ATP11A: variants seen among roughly 807,000 people sequenced by gnomAD.
The protein encoded by ATP11A is phospholipid-transporting ATPase IH.
In ATP11A, 81 loss-of-function variants were observed where a neutral mutation model predicts 154.4. The observed-to-expected ratio is 0.52, with a 90% CI of 0.44 to 0.63. ATP11A has a LOEUF of 0.63. ATP11A is among the 30% of genes least tolerant of loss of function. The probability of loss-of-function intolerance (pLI) is 0.00; values close to 1 mark genes in which losing one functional copy is unlikely to be tolerated. For synonymous variants in ATP11A, 623 were observed against 585.9 expected (o/e 1.06, Z -0.91); for missense variants, 1,316 against 1,474.3 (o/e 0.89, Z 1.76).
chr13:112,804,609 G>C (rs2078272414), intron 2 of ATP11A, among the ~76,000 whole-genome samples: 1 of 150,252 alleles, frequency 6.7e-6, no homozygotes, highest in South Asian at 2.1e-4. Context: ...CTCACTCAGA[G>C]GAGAGATCAT....
intron 1 of ATP11A, among the ~76,000 whole-genome samples, chr13:112,713,974 G>C (rs1229875858): frequency 2.1e-5 from 1 of 48,590 alleles, no homozygotes. Flanking sequence ...TTCCCACCCA[G>C]CTTCCATTCC....
At chr13:112,823,737 T>C (rs1447443414) in intron 9 of ATP11A, among the ~76,000 whole-genome samples, 1 of 152,372 alleles carries the variant, frequency 6.6e-6, no homozygotes, top group Non-Finnish European at 1.5e-5. Flanking sequence ...CTCCCATTTC[T>C]TGTGGGTTAT....
chr13:112,785,157 T>G lies in ATP11A; in HGVS notation c.62T>G (p.Val21Gly), dbSNP rs2077593134. ...HRYCAGEENW[V>G]DSRTIYVGHR... ...CAGTGTGCAGGAGAAGAGAATTGGG[T>G]GGACAGCAGGACCATCTACGTGGGA... The change falls in exon 2 of 30, where the codon GTG becomes GGG. Residue 21 changes from valine to glycine, a missense_variant. By Grantham distance (109) the Val-to-Gly change is moderately radical. Coordinates refer to ENST00000375645, the MANE Select transcript of ATP11A (RefSeq NM_015205.3). This position sits in a 1 kb window ranked among gnomAD's most constrained non-coding sequence, Gnocchi z 4.8. The G allele has an allele frequency of 6.4e-7, 1 of 1,562,058 alleles. No homozygotes were observed. Among genetic ancestry groups the G allele is most frequent in the South Asian group, 1.2e-5 (1 of 84,042 alleles).
chr13:112,871,829 C>T, intron 26 of ATP11A, 29 bp downstream of exon 26: 4 of 1,604,478 alleles, frequency 2.5e-6, no homozygotes, highest in Non-Finnish European at 3.4e-6. Context: ...ACGTTCCTCC[C>T]CCAGCCACAG....
At chr13:112,872,528 T>G (rs2080556538) in intron 26 of ATP11A, among the ~76,000 whole-genome samples, 1 of 152,236 alleles carries the variant, frequency 6.6e-6, no homozygotes, top group Admixed American at 6.5e-5. Flanking sequence ...CGAGAATCGC[T>G]TGAACCCGGG....
intron 1 of ATP11A, among the ~76,000 whole-genome samples, chr13:112,749,763 C>T (rs1240023932): frequency 6.7e-6 from 1 of 149,280 alleles, no homozygotes; most frequent in Non-Finnish European, 1.5e-5. Context: ...AATCTCCATC[C>T]TCCCACGTGG....
intron 25 of ATP11A, among the ~76,000 whole-genome samples, chr13:112,870,961 C>T (rs1258805471): frequency 1.3e-5 from 2 of 152,214 alleles, no homozygotes; most frequent in South Asian, 2.1e-4. Context: ...GCTGGCAGCT[C>T]GTGGGTCCCA....
intron 2 of ATP11A, among the ~76,000 whole-genome samples, chr13:112,791,911 C>G (rs1164197339): frequency 1.3e-5 from 2 of 152,190 alleles, no homozygotes; most frequent in Non-Finnish European, 1.5e-5. Context: ...AGCCCTCACT[C>G]AGGAACGCAC....
chr13:112,849,914 A>C (rs1233561486), intron 17 of ATP11A, among the ~76,000 whole-genome samples: 1 of 152,154 alleles, frequency 6.6e-6, no homozygotes, highest in African/African-American at 2.4e-5. Context: ...CTTATTCTTG[A>C]CCAGGAGACA....
chr13:112,717,705 G>A (rs1371757961), intron 1 of ATP11A: 1 of 152,228 alleles, frequency 6.6e-6, no homozygotes, highest in Non-Finnish European at 1.5e-5. Flanking sequence ...ATTAAGTTAT[G>A]GTCGTAGGTG....
At chr13:112,720,697 A>G (rs1889056056) in intron 1 of ATP11A, among the ~76,000 whole-genome samples, 1 of 152,118 alleles carries the variant, frequency 6.6e-6, no homozygotes, top group African/African-American at 2.4e-5. Context: ...AGCTGGGACT[A>G]CAGGTGTGCA....
At chr13:112,824,157 C>T (rs2078871752) in intron 9 of ATP11A, among the ~76,000 whole-genome samples, 187 bp from the exon 10 acceptor site, 1 of 151,624 alleles carries the variant, frequency 6.6e-6, no homozygotes, top group Non-Finnish European at 1.5e-5. Context: ...GCTTCCTATG[C>T]ATGAAGAAGG....
At chr13:112,835,290 A>T (rs1443374365) in intron 15 of ATP11A, among the ~76,000 whole-genome samples, 2 of 152,194 alleles carry the variant, frequency 1.3e-5, no homozygotes, top group Admixed American at 6.5e-5. Context: ...AACAAGCACG[A>T]ATGTGCGGTC....
chr13:112,766,609 T>C (rs933168157), intron 1 of ATP11A, among the ~76,000 whole-genome samples: 6 of 144,460 alleles, frequency 4.2e-5, no homozygotes, highest in Non-Finnish European at 8.8e-5. Flanking sequence ...TGCATCCGTC[T>C]CCCTGTAAGG....
intron 1 of ATP11A, among the ~76,000 whole-genome samples, chr13:112,736,382 T>A (rs1023359496): frequency 2.6e-5 from 4 of 152,116 alleles, no homozygotes; most frequent in African/African-American, 9.7e-5. Context: ...TCAGCTAACT[T>A]TATAGGAAAA....
chr13:112,863,127 A>G (rs2080174099), intron 25 of ATP11A, among the ~76,000 whole-genome samples: 1 of 143,522 alleles, frequency 7.0e-6, no homozygotes, highest in African/African-American at 2.7e-5. Context: ...AGCGGGGTCC[A>G]TCACCACCTG....
At chr13:112,732,909 G>A (rs1296757636) in intron 1 of ATP11A, among the ~76,000 whole-genome samples, 1 of 152,160 alleles carries the variant, frequency 6.6e-6, no homozygotes, top group African/African-American at 2.4e-5. Context: ...CACTGCACCT[G>A]GCCTCTGCCT....
chr13:112,814,354 C>G (rs542529851), intron 5 of ATP11A, among the ~76,000 whole-genome samples: 2 of 151,966 alleles, frequency 1.3e-5, no homozygotes, highest in Non-Finnish European at 2.9e-5. Flanking sequence ...TGAGCCACCA[C>G]GCCTGGCTGA....
intron 4 of ATP11A, among the ~76,000 whole-genome samples, chr13:112,810,218 C>T (rs1040384666): frequency 4.6e-5 from 7 of 152,222 alleles, no homozygotes; most frequent in African/African-American, 9.6e-5. Flanking sequence ...ACTGGCTCCA[C>T]GTCTTCGGGG....
Sources: gnomAD v4.1 joint callset for allele counts (sites outside exome capture counted in the v4.1 genomes callset) on GRCh38, gnomAD v4.1.1 for gene constraint, Gnocchi (gnomAD v3.1) non-coding constraint, MANE v1.5 for transcripts, NCBI Gene and HGNC (gene_info 2026-07-23, HGNC 2026-07-21) for gene names.